The following PSG5 variants were observed in gnomAD, a reference collection of about 807,000 sequenced individuals.
PSG5 encodes the protein pregnancy-specific beta-1-glycoprotein 5.
Under a neutral mutation model 37.7 loss-of-function variants are expected in PSG5, and 53 were observed. That is an observed-to-expected ratio of 1.41 (90% CI 1.13 to 1.77). The LOEUF is 1.77. Ranked by LOEUF, PSG5 falls within the 40% of genes most tolerant of loss-of-function variation. PSG5 has a pLI of 0.00. For synonymous variants in PSG5, 221 were observed against 155.4 expected, an observed-to-expected ratio of 1.42 and a Z score of -3.14; for missense variants, 547 against 405.2, an observed-to-expected ratio of 1.35 and a Z score of -3.00.
chr19:43,172,343 C>A (rs28857540), intron 4 of PSG5, among the ~76,000 whole-genome samples: 1,783 of 151,550 alleles, frequency 0.012, 89 homozygotes, highest in African/African-American at 0.042. Flanking sequence ...GACAAGGATG[C>A]CTGCTTTTGA....
At position 43,168,208 on chromosome 19, in the gene PSG5, G is replaced by C. The variant is rs1968827802; in HGVS notation, c.*41-5C>G. ...AGGAAGAATCAAAGCAACTGTCTGG[G>C]AAAGACAAAGATTTAAACTGACTAT... On this transcript the variant is annotated splice_polypyrimidine_tract_variant and splice_region_variant and intron_variant, in intron 5 of 5. Coordinates refer to ENST00000342951, the MANE Select transcript of PSG5 (RefSeq NM_002781.4). The C allele has an allele frequency of 2.5e-6, 1 of 400,192 alleles. No homozygotes were observed. The highest frequency in any genetic ancestry group is 4.6e-6 in the Non-Finnish European group (1 of 217,310). 24.8% of individuals were successfully genotyped at this position (400,192 alleles called of 1,614,324 possible).
rs1370190474 is a variant in PSG5, at chr19:43,184,032, C to G, written c.430+750G>C. 5.3e-5 allele frequency among the ~76,000 whole-genome samples: 8 copies of G among 151,862 alleles called. No homozygotes were observed. The South Asian group carries it at 1.2e-3, about 24-fold the overall frequency. On this transcript the variant is annotated intron_variant, in intron 2 of 5. Coordinates refer to ENST00000342951, the MANE Select transcript of PSG5 (RefSeq NM_002781.4). ...TTAATTTGCTTCCATGAGAAAGCAC[C>G]TTTACGTCAGATCCCTGTGGACAAG...
chr19:43,176,221 G>T lies in PSG5; in HGVS notation c.431-73C>A, dbSNP rs868473957. ...CCTCCACAGGCATCCTTCAATCAGA[G>T]TTGGCATCTCCCACCTGTCAACCCA... On this transcript the variant is annotated intron_variant, in intron 2 of 5. Coordinates refer to ENST00000342951, the MANE Select transcript of PSG5 (RefSeq NM_002781.4). The T allele has an allele frequency of 1.2e-5, 19 of 1,575,252 alleles. No homozygotes were observed. In the African/African-American group the frequency reaches 1.6e-4, roughly 14 times the overall value.
chr19:43,174,963 A>G (rs1334930205), intron 4 of PSG5: 4 of 1,355,874 alleles, frequency 3.0e-6, no homozygotes, highest in Admixed American at 2.9e-5. Flanking sequence ...CCTCTACCAC[A>G]TAGGGCTCAG....
At chr19:43,178,036 A>G (rs1969047538) in intron 2 of PSG5, among the ~76,000 whole-genome samples, 1 of 151,650 alleles carries the variant, frequency 6.6e-6, no homozygotes, top group Non-Finnish European at 1.5e-5. Flanking sequence ...TTGTTAGTGT[A>G]TAGCCTAAAG....
rs1483194772 is a variant in PSG5 at position 43,184,911 on chromosome 19, C to T, written c.301G>A (p.Val101Ile). The T allele has an allele frequency of 1.9e-5, 30 of 1,612,494 alleles. 4 individuals are homozygous for T. Among genetic ancestry groups the T allele is most frequent in the Non-Finnish European group, 2.5e-5 (29 of 1,179,204 alleles). The change falls in exon 2 of 6, where the codon GTA becomes ATA. Residue 101 changes from valine to isoleucine, a missense_variant. Physicochemically the swap from Val to Ile is conservative, Grantham distance 29. Coordinates refer to ENST00000342951, the MANE Select transcript of PSG5 (RefSeq NM_002781.4). The stretch of plus-strand genomic sequence containing the variant: ...ATCAGCAGGGATGCATTGGAATATA[C>T]TGTTTCTCGTCCAGTGTATGCAGGC... ...YGPAYTGRET[V>I]YSNASLLIQN... is the part of the protein sequence containing the mutation.
At chr19:43,174,447 T>C (rs185672031) in intron 4 of PSG5, 62 of 797,380 alleles carry the variant, frequency 7.8e-5, no homozygotes, top group Middle Eastern at 6.5e-4. Context: ...GGTGAATCTC[T>C]CTATTTCTCC....
At chr19:43,174,997 C>A (rs1300075107) in intron 4 of PSG5, 4 of 1,428,558 alleles carry the variant, frequency 2.8e-6, no homozygotes, top group Non-Finnish European at 3.7e-6. Context: ...CCCTCCCTAA[C>A]TTTCTTAGGC....
chr19:43,175,240 G>A lies in PSG5; in HGVS notation c.939C>T (p.Ser313=), dbSNP rs1555718402. 6.2e-7 allele frequency: 1 copy of A among 1,612,690 alleles called. No individual in the cohort carries two copies. Among genetic ancestry groups the A allele is most frequent in the Admixed American group, 1.7e-5 (1 of 59,930 alleles). ...CAGAGACTTCGACTGTCATGGATTT[G>A]GAGCTTTCCTTGCCAGTAGCTGAGT... is the stretch of plus-strand genomic sequence containing the variant. ...VRNSATGKES[S]KSMTVEVSAP... The change falls in exon 4 of 6, where the codon TCC becomes TCT. Residue 313 remains serine (S), a synonymous_variant. Transcript: ENST00000342951.
Position 43,182,320 on chromosome 19 carries a change from A to C in PSG5, c.430+2462T>G, listed in dbSNP as rs527736696. ...GCAATGTTGTTTGGCCAGAGTTTACAAAATTTGTAACTAATTGCTCCTATA... is the reference window on the plus strand; with the variant it reads ...GCAATGTTGTTTGGCCAGAGTTTACCAAATTTGTAACTAATTGCTCCTATA... On this transcript the variant is annotated intron_variant, in intron 2 of 5. Coordinates refer to ENST00000342951, the MANE Select transcript of PSG5 (RefSeq NM_002781.4). Among the ~76,000 whole-genome samples, 15 of 151,836 alleles carry C rather than the reference A, an allele frequency of 9.9e-5. No homozygotes were observed. In the South Asian group the frequency reaches 3.1e-3, roughly 32 times the overall value.
At chr19:43,176,307 A>C (rs1969010706) in intron 2 of PSG5, among the ~76,000 whole-genome samples, 159 bp from the exon 3 acceptor site, 2 of 151,628 alleles carry the variant, frequency 1.3e-5, no homozygotes, top group East Asian at 3.9e-4. Context: ...ATGATGATCT[A>C]AGGGCTCAAA....
At chr19:43,177,473 A>T (rs763441925) in intron 2 of PSG5, among the ~76,000 whole-genome samples, 3 of 151,414 alleles carry the variant, frequency 2.0e-5, no homozygotes, top group Admixed American at 6.6e-5. Flanking sequence ...TAGTGGGCAA[A>T]AGTGGGAGGT....
At chr19:43,181,021 C>A (rs530532948) in intron 2 of PSG5, among the ~76,000 whole-genome samples, 1 of 151,792 alleles carries the variant, frequency 6.6e-6, no homozygotes, top group African/African-American at 2.4e-5. Flanking sequence ...CGAAACACCA[C>A]TAAAGTTTAA....
intron 4 of PSG5, 170 bp from the exon 5 acceptor site, chr19:43,170,308 T>TC: frequency 1.3e-6 from 1 of 740,874 alleles, no homozygotes. Context: ...GTTTTTTTTT[T>TC]CCCTCTCACC....
At chr19:43,184,316 G>C (rs1174945920) in intron 2 of PSG5, among the ~76,000 whole-genome samples, 1 of 151,598 alleles carries the variant, frequency 6.6e-6, no homozygotes, top group African/African-American at 2.4e-5. Context: ...AGTAAGGCCT[G>C]CCCAATAAGC....
At chr19:43,177,535 T>A (rs1385927914) in intron 2 of PSG5, among the ~76,000 whole-genome samples, 2 of 151,154 alleles carry the variant, frequency 1.3e-5, no homozygotes, top group African/African-American at 2.4e-5. Context: ...ACCACGTTTC[T>A]ACCATGGTGA....
intron 4 of PSG5, chr19:43,174,173 G>A (rs1442774468): frequency 1.3e-5 from 2 of 151,750 alleles, no homozygotes; most frequent in Non-Finnish European, 2.9e-5. Context: ...CAGTTACATA[G>A]AGACAGAATG....
rs768366158 is a variant in PSG5 at position 43,184,955 on chromosome 19, C to A, written c.257G>T (p.Gly86Val). ...YHYITSYVVD[G>V]QINIYGPAYT... ...TGCAGGCCCATATATATTTATTTGA[C>A]CGTCTACTACATATGATGTAATGTA... Residue 86 changes from glycine to valine, a missense_variant, in exon 2 of 6, where the codon GGT (glycine) becomes GTT (valine). Coordinates refer to ENST00000342951, the MANE Select transcript of PSG5 (RefSeq NM_002781.4). 1.2e-6 allele frequency: 2 copies of A among 1,612,362 alleles called. No homozygotes were observed. The highest frequency in any genetic ancestry group is 1.7e-6 in the Non-Finnish European group (2 of 1,179,098).
chr19:43,183,593 G>C (rs983454706), intron 2 of PSG5: 19 of 396,902 alleles, frequency 4.8e-5, no homozygotes, highest in Non-Finnish European at 9.5e-5. Flanking sequence ...GGGAGGCCTG[G>C]ACATATTTTT....
Sources: allele counts gnomAD v4.1 joint callset (sites outside exome capture counted in the v4.1 genomes callset), GRCh38; gene constraint gnomAD v4.1.1; transcripts MANE v1.5; gene names NCBI Gene and HGNC (gene_info 2026-07-23, HGNC 2026-07-21).